The following EXOC6B variants were observed in gnomAD, a reference collection of about 807,000 sequenced individuals.
EXOC6B encodes exocyst complex component 6B, also known as SEC15 homolog B.
Under a neutral mutation model 113.5 loss-of-function variants are expected in EXOC6B, and 54 were observed. That is an observed-to-expected ratio of 0.48 (90% CI 0.38 to 0.60). The LOEUF (loss-of-function observed/expected upper bound fraction) is 0.60, where lower values mean the gene tolerates loss of function less well. Among genes scored for constraint, EXOC6B ranks in the 20% least tolerant of loss-of-function variants. The pLI is 0.00. For synonymous variants in EXOC6B, 357 were observed against 339.0 expected (o/e 1.05, Z -0.58); for missense variants, 797 against 977.5 (o/e 0.82, Z 2.46).
In EXOC6B at chr2:72,225,431, C is replaced by T. The variant is rs894250073; in HGVS notation, c.2197-41244G>A. On this transcript the variant is annotated intron_variant, in intron 20 of 21. Transcript: ENST00000272427. ...TTTCTAGGTGAAAGAGTTGTTGACACATTTGACACTGAATTAAAAAATCAT... is the reference window on the plus strand; with the variant it reads ...TTTCTAGGTGAAAGAGTTGTTGACATATTTGACACTGAATTAAAAAATCAT... Among the ~76,000 whole-genome samples, 4 of 152,150 alleles carry T rather than the reference C, an allele frequency of 2.6e-5. No individual in the cohort carries two copies. The East Asian group carries it at 5.8e-4, about 22-fold the overall frequency.
chr2:72,227,404 A>C (rs1229994590), intron 20 of EXOC6B, among the ~76,000 whole-genome samples: 1 of 152,172 alleles, frequency 6.6e-6, no homozygotes, highest in Non-Finnish European at 1.5e-5. Context: ...GAAGACATAA[A>C]ATTTCTAAAC....
At chr2:72,772,127 C>G (rs1045312957) in intron 1 of EXOC6B, among the ~76,000 whole-genome samples, 1 of 152,130 alleles carries the variant, frequency 6.6e-6, no homozygotes, top group African/African-American at 2.4e-5. Context: ...ATCCATGATT[C>G]CCTTCCCCCA....
chr2:72,213,941 G>A (rs567239088), intron 20 of EXOC6B, among the ~76,000 whole-genome samples: 30 of 152,206 alleles, frequency 2.0e-4, no homozygotes, highest in African/African-American at 7.0e-4. Flanking sequence ...TTTTGTTATA[G>A]CAGCCCGAAT....
intron 2 of EXOC6B, among the ~76,000 whole-genome samples, chr2:72,736,047 G>A (rs904175776): frequency 2.6e-5 from 4 of 151,942 alleles, no homozygotes; most frequent in African/African-American, 9.7e-5. Flanking sequence ...GCTGGGCGTA[G>A]TGGCATGCAC....
chr2:72,182,865 G>C (rs1678178689), intron 21 of EXOC6B: 2 of 1,228,104 alleles, frequency 1.6e-6, no homozygotes, highest in Non-Finnish European at 1.0e-6. Context: ...CAAAGTGATG[G>C]AAAAGGCCCA....
intron 2 of EXOC6B, among the ~76,000 whole-genome samples, chr2:72,740,945 A>C (rs1430308674): frequency 1.3e-5 from 2 of 151,912 alleles, no homozygotes; most frequent in African/African-American, 4.8e-5. Flanking sequence ...TACTAAAAGT[A>C]CAAAAAAAAT....
At chr2:72,392,302 A>T (rs1048280451) in intron 18 of EXOC6B, among the ~76,000 whole-genome samples, 1 of 152,092 alleles carries the variant, frequency 6.6e-6, no homozygotes, top group Non-Finnish European at 1.5e-5. Flanking sequence ...TACATCTTCT[A>T]CCTCCATGCC....
chr2:72,571,204 T>C (rs1243507467), intron 7 of EXOC6B, among the ~76,000 whole-genome samples: 1 of 152,206 alleles, frequency 6.6e-6, no homozygotes, highest in Non-Finnish European at 1.5e-5. Flanking sequence ...CACCTGCATA[T>C]GCCCACAGGG....
At chr2:72,275,555 G>A (rs1246464133) in intron 20 of EXOC6B, among the ~76,000 whole-genome samples, 1 of 152,152 alleles carries the variant, frequency 6.6e-6, no homozygotes, top group African/African-American at 2.4e-5. Context: ...GCTTCACATA[G>A]ACATGGATGG....
intron 20 of EXOC6B, among the ~76,000 whole-genome samples, chr2:72,215,067 G>T (rs146489741): frequency 2.0e-5 from 3 of 152,296 alleles, no homozygotes; most frequent in Non-Finnish European, 4.4e-5. Context: ...TGGAAATGGG[G>T]AGCAAGAGCT....
intron 2 of EXOC6B, among the ~76,000 whole-genome samples, chr2:72,736,348 T>C (rs939434739): frequency 5.3e-5 from 8 of 152,236 alleles, no homozygotes; most frequent in Non-Finnish European, 8.8e-5. Context: ...ATTGGTATGT[T>C]GAAATAGCAT....
chr2:72,627,902 G>C (rs1672156507), intron 6 of EXOC6B, among the ~76,000 whole-genome samples: 1 of 151,576 alleles, frequency 6.6e-6, no homozygotes, highest in African/African-American at 2.4e-5. Context: ...TCCCATTTTT[G>C]TTGTGTTATT....
At chr2:72,234,655 C>T (rs74759387) in intron 20 of EXOC6B, among the ~76,000 whole-genome samples, 84 of 152,126 alleles carry the variant, frequency 5.5e-4, no homozygotes, top group Non-Finnish European at 1.1e-3. Flanking sequence ...TATTTGCAAA[C>T]TATGCATCTG....
At chr2:72,719,430 G>A (rs767650896) in intron 5 of EXOC6B, among the ~76,000 whole-genome samples, 1 of 152,174 alleles carries the variant, frequency 6.6e-6, no homozygotes, top group Admixed American at 6.5e-5. Flanking sequence ...GATAAACTCC[G>A]CAAGTTGCTA....
intron 7 of EXOC6B, among the ~76,000 whole-genome samples, chr2:72,561,633 G>C (rs1478904180): frequency 1.3e-5 from 2 of 152,050 alleles, no homozygotes; most frequent in Admixed American, 6.6e-5. Context: ...AGAAATCTGT[G>C]ATAAATAAGC....
chr2:72,686,391 T>C (rs1274222362), intron 6 of EXOC6B, among the ~76,000 whole-genome samples: 5 of 152,118 alleles, frequency 3.3e-5, no homozygotes, highest in African/African-American at 7.2e-5. Flanking sequence ...AACAGTACCA[T>C]GGGGTAGAGA....
intron 20 of EXOC6B, among the ~76,000 whole-genome samples, chr2:72,232,788 C>A (rs901924707): frequency 6.6e-6 from 1 of 151,666 alleles, no homozygotes; most frequent in Non-Finnish European, 1.5e-5. Flanking sequence ...ATAAAGAAAC[C>A]CGGGCCAGGC....
At chr2:72,584,340 C>CA (rs926157351) in intron 6 of EXOC6B, among the ~76,000 whole-genome samples, 12 of 151,284 alleles carry the variant, frequency 7.9e-5, no homozygotes, top group African/African-American at 2.7e-4. Context: ...GAAAACAAAA[C>CA]AAAAAAAAGC....
intron 20 of EXOC6B, among the ~76,000 whole-genome samples, chr2:72,334,372 G>A (rs1221513283): frequency 1.3e-5 from 2 of 152,074 alleles, no homozygotes; most frequent in Middle Eastern, 3.4e-3. Context: ...ACTTTAATAG[G>A]GTTAGCATCA....
Sources: gnomAD v4.1 joint callset for allele counts (sites outside exome capture counted in the v4.1 genomes callset) on GRCh38, gnomAD v4.1.1 for gene constraint, MANE v1.5 for transcripts, NCBI Gene and HGNC (gene_info 2026-07-23, HGNC 2026-07-21) for gene names.